Variants in STX2 observed in about 807,000 individuals in gnomAD.
STX2 encodes the protein syntaxin 2.
In STX2, 27 loss-of-function variants were observed where a neutral mutation model predicts 40.6. That is an observed-to-expected ratio of 0.66 (90% CI 0.49 to 0.92). The LOEUF is 0.92. Ranked by LOEUF, STX2 falls within the 40% of genes least tolerant of loss-of-function variation. STX2 has a pLI of 0.00. For missense variants in STX2, 328 were observed against 366.1 expected (o/e 0.90, Z 0.85); for synonymous variants, 123 against 119.1 (o/e 1.03, Z -0.22).
intron 10 of STX2, among the ~76,000 whole-genome samples, chr12:130,793,256 C>T (rs1950931311): frequency 6.6e-6 from 1 of 152,202 alleles, no homozygotes; most frequent in Non-Finnish European, 1.5e-5. Flanking sequence ...TCCCTGTTAA[C>T]ATCACGCACA....
At chr12:130,821,891 A>G in intron 2 of STX2, 103 bp from the exon 3 acceptor site, 1 of 664,586 alleles carries the variant, frequency 1.5e-6, no homozygotes, top group South Asian at 2.1e-5. Context: ...AATAATTACC[A>G]CATAAGAAAT....
At chr12:130,812,373 C>T (rs1256855114) in intron 4 of STX2, 1 of 454,724 alleles carries the variant, frequency 2.2e-6, no homozygotes, top group Admixed American at 2.4e-5. Context: ...CGGGTGGGAG[C>T]TCATGGAGAA....
At chr12:130,807,571 C>G (rs1284005669) in intron 5 of STX2, among the ~76,000 whole-genome samples, 1 of 145,408 alleles carries the variant, frequency 6.9e-6, no homozygotes, top group Non-Finnish European at 1.5e-5. Context: ...CCCAGGCAGG[C>G]GGACCCCAGA....
At chr12:130,800,801 G>A (rs1235988667) in intron 8 of STX2, among the ~76,000 whole-genome samples, 4 of 152,306 alleles carry the variant, frequency 2.6e-5, no homozygotes, top group Non-Finnish European at 4.4e-5. Context: ...ATATGTACGG[G>A]CATACACAGA....
chr12:130,807,443 G>T (rs747001043), intron 5 of STX2, among the ~76,000 whole-genome samples: 12 of 151,498 alleles, frequency 7.9e-5, no homozygotes, highest in African/African-American at 2.9e-4. Flanking sequence ...TGCCCATGAG[G>T]GGACCCAGGC....
At position 130,813,844 on chromosome 12, in the gene STX2, G is replaced by GC. The variant is rs1350794203; in HGVS notation, c.206-814dup. 2.6e-5 allele frequency among the ~76,000 whole-genome samples: 4 copies of GC among 152,182 alleles called. No homozygotes were observed. The East Asian group carries it at 7.7e-4, about 29-fold the overall frequency. Reference sequence around the variant, plus strand: ...GGGCAGAAGTTGCTGAAACAGGAAGGCCCCCGCCCCGTCTCTGGAGTCCTG... The same window carrying GC: ...GGGCAGAAGTTGCTGAAACAGGAAGGCCCCCCGCCCCGTCTCTGGAGTCCTG... On this transcript the variant is annotated intron_variant, in intron 3 of 10. Transcript: ENST00000392373.
chr12:130,818,170 C>CCA (rs1555222290), intron 3 of STX2, among the ~76,000 whole-genome samples: 1 of 49,864 alleles, frequency 2.0e-5, no homozygotes, highest in Non-Finnish European at 3.2e-5. Flanking sequence ...GCTGTTTCTA[C>CCA]AAAAAAAAAA....
At chr12:130,800,191 G>C (rs12369290) in intron 8 of STX2, among the ~76,000 whole-genome samples, 2,871 of 152,252 alleles carry the variant, frequency 0.019, 57 homozygotes, top group Non-Finnish European at 0.026. Context: ...CAAAGACAAA[G>C]AGCGAGTGTG....
At chr12:130,792,234 T>C (rs2137000387) in intron 10 of STX2, among the ~76,000 whole-genome samples, 1 of 152,204 alleles carries the variant, frequency 6.6e-6, no homozygotes, top group African/African-American at 2.4e-5. Flanking sequence ...CTAATTTTTG[T>C]ATTTTTAGTA....
chr12:130,809,961 T>C (rs543258745), intron 4 of STX2, among the ~76,000 whole-genome samples: 2 of 152,262 alleles, frequency 1.3e-5, no homozygotes, highest in Admixed American at 6.5e-5. Context: ...TAGTGCGCTA[T>C]GATCACACTG....
At chr12:130,827,340 A>C (rs898350783) in intron 1 of STX2, 73 bp from the exon 2 acceptor site, 6 of 1,203,622 alleles carry the variant, frequency 5.0e-6, no homozygotes, top group Non-Finnish European at 7.3e-6. Flanking sequence ...GAAATACAAA[A>C]ACAGTTCAAT....
chr12:130,831,767 A>T (rs1952569231), intron 1 of STX2, among the ~76,000 whole-genome samples: 1 of 150,756 alleles, frequency 6.6e-6, no homozygotes, highest in African/African-American at 2.4e-5. Context: ...ATACTTTTTT[A>T]TTTTTTTGTA....
intron 4 of STX2, chr12:130,812,501 A>G (rs1951699820): frequency 3.1e-6 from 1 of 323,416 alleles, no homozygotes; most frequent in South Asian, 2.4e-5. Flanking sequence ...TCTTGATGCC[A>G]TTCTGCAAAA....
intron 3 of STX2, among the ~76,000 whole-genome samples, chr12:130,815,701 A>G (rs1951831694): frequency 1.3e-5 from 2 of 152,206 alleles, no homozygotes; most frequent in Admixed American, 1.3e-4. Context: ...CAGCTGAATC[A>G]CAGCACCTCA....
chr12:130,791,596 C>A lies in STX2; in HGVS notation c.*427G>T. 4.8e-6 allele frequency: 1 copy of A among 208,848 alleles called. No homozygotes were observed. The highest frequency in any genetic ancestry group is 9.4e-6 in the Non-Finnish European group (1 of 106,174). 12.9% of individuals were successfully genotyped at this position (208,848 alleles called of 1,614,324 possible). A position where few individuals can be genotyped will look rare whatever the true frequency, so the allele number is the denominator to read the frequency against. On this transcript the variant is annotated 3_prime_UTR_variant, in exon 11 of 11. Coordinates refer to ENST00000392373, the MANE Select transcript of STX2 (RefSeq NM_194356.4). ...ATTAAACTTCATGCACATTTGTTAA[C>A]ACTGAAATATTTTTAATATTAAAAT... is the stretch of plus-strand genomic sequence containing the variant.
chr12:130,813,919 G>C (rs768546786), intron 3 of STX2, among the ~76,000 whole-genome samples: 1 of 152,126 alleles, frequency 6.6e-6, no homozygotes, highest in Admixed American at 6.5e-5. Context: ...AATCTCACAC[G>C]CATCAGCCGG....
In STX2 at chr12:130,801,408, C is replaced by T. The variant is rs1314250778; in HGVS notation, c.537+7G>A. On this transcript the variant is annotated splice_region_variant and intron_variant, in intron 7 of 10. Coordinates refer to ENST00000392373, the MANE Select transcript of STX2 (RefSeq NM_194356.4). ...ACATGGAGCCACAGGGCCGCACCCC[C>T]ACTCACGTCGGAAGTGAAGATGGAT... is the stretch of plus-strand genomic sequence containing the variant. 6.2e-7 allele frequency: 1 copy of T among 1,606,678 alleles called. No individual in the cohort carries two copies. The highest frequency in any genetic ancestry group is 1.7e-5 in the Admixed American group (1 of 59,288).
At chr12:130,812,219 A>G in intron 4 of STX2, 1 of 290,368 alleles carries the variant, frequency 3.4e-6, no homozygotes, top group Non-Finnish European at 6.8e-6. Flanking sequence ...CTGCCTGGAT[A>G]TTCTGTACTA....
chr12:130,815,390 C>T (rs1380126590), intron 3 of STX2, among the ~76,000 whole-genome samples: 1 of 152,194 alleles, frequency 6.6e-6, no homozygotes, highest in Non-Finnish European at 1.5e-5. Context: ...ACGGGGTGTT[C>T]GTGCGCGTGT....
Sources: gnomAD v4.1 joint callset for allele counts (sites outside exome capture counted in the v4.1 genomes callset) on GRCh38, gnomAD v4.1.1 for gene constraint, MANE v1.5 for transcripts, NCBI Gene and HGNC (gene_info 2026-07-23, HGNC 2026-07-21) for gene names.